COG4: variants seen among roughly 807,000 people sequenced by gnomAD.
COG4 encodes the protein conserved oligomeric Golgi complex subunit 4.
A neutral mutation model predicts 95.1 loss-of-function variants in COG4; 65 were observed. The observed-to-expected ratio is 0.68, with a 90% CI of 0.56 to 0.84. COG4 has a LOEUF of 0.84. COG4 is among the 40% of genes least tolerant of loss of function. The pLI, the probability that COG4 is intolerant of heterozygous loss-of-function variation, is 0.00. For missense variants in COG4, 1,045 were observed against 989.1 expected (o/e 1.06, Z -0.76); for synonymous variants, 421 against 374.8 (o/e 1.12, Z -1.42).
At chr16:70,481,958 AC>A (rs2049005731) in intron 16 of COG4, 93 bp from the exon 17 acceptor site, 7 of 1,369,292 alleles carry the variant, frequency 5.1e-6, no homozygotes, top group Non-Finnish European at 7.3e-6. Context: ...GCGTGAGGCC[AC>A]GGGGGAGTTT....
At chr16:70,486,095 C>T (rs1225537722) in intron 13 of COG4, among the ~76,000 whole-genome samples, 1 of 151,774 alleles carries the variant, frequency 6.6e-6, no homozygotes, top group Non-Finnish European at 1.5e-5. Flanking sequence ...TGGGGTTTCA[C>T]CGTGTTAGCC....
At chr16:70,508,781 C>T (rs761573428) in intron 7 of COG4, 17 of 578,102 alleles carry the variant, frequency 2.9e-5, no homozygotes, top group South Asian at 1.1e-4. Flanking sequence ...ATTTCTATGT[C>T]GTACTTTTAC....
chr16:70,500,504 G>A (rs748276040), intron 9 of COG4, among the ~76,000 whole-genome samples: 11 of 151,022 alleles, frequency 7.3e-5, no homozygotes, highest in African/African-American at 2.0e-4. Flanking sequence ...GGGACTGCAG[G>A]TGTATTGCAC....
rs561198202 is a variant in COG4, at chr16:70,483,886, G to A, written c.1794C>T (p.Ala598=). ...GGTCTCGGAATTTGTTGGACACGGC[G>A]GCCAAGTCAGAAAGGCAGCTGTCAA... ...AKFDSCLSDL[A]AVSNKFRDLL... is the part of the protein sequence containing the mutation. Residue 598 remains alanine (A), a synonymous_variant, in exon 14 of 19, where the codon GCC becomes GCT. Coordinates refer to ENST00000323786, the MANE Select transcript of COG4 (RefSeq NM_015386.3). 6.5e-5 allele frequency: 105 copies of A among 1,613,396 alleles called. 2 individuals carry two copies. In the South Asian group the frequency reaches 8.9e-4, roughly 14 times the overall value.
chr16:70,491,545 TGGGGCAGGGTAGCTCATGC>T (rs2151745629), intron 12 of COG4, among the ~76,000 whole-genome samples: 1 of 92,604 alleles, frequency 1.1e-5, no homozygotes, highest in South Asian at 3.3e-4. Flanking sequence ...AAAAAAAAGC[TGGGGCAGGGTAGCTCATGC>T]CTGTAATCCC....
At position 70,487,815 on chromosome 16, in the gene COG4, A is replaced by C. The variant is rs79135010; in HGVS notation, c.1710+2515T>G. Among the ~76,000 whole-genome samples the C allele has an allele frequency of 2.7e-5, 4 of 150,840 alleles. No homozygotes were observed. In the South Asian group the frequency reaches 8.4e-4, roughly 32 times the overall value. The stretch of plus-strand genomic sequence containing the variant: ...TGTTAATTTTAAATTTATTTTTACT[A>C]TTTTTACTTTTTTTTTTATGTTTTT... On this transcript the variant is annotated intron_variant, in intron 13 of 18. Coordinates refer to ENST00000323786, the MANE Select transcript of COG4 (RefSeq NM_015386.3).
chr16:70,512,544 G>A (rs560339647), intron 4 of COG4, 112 bp from the exon 5 acceptor site: 3 of 867,556 alleles, frequency 3.5e-6, no homozygotes, highest in Non-Finnish European at 3.8e-6. Context: ...CACTTACCAT[G>A]TGCAAGATGC....
rs1567390485 is a variant in COG4 at position 70,509,908 on chromosome 16, A to T, written c.844+8T>A. The T allele has an allele frequency of 6.2e-7, 1 of 1,607,882 alleles. No individual in the cohort carries two copies. Among genetic ancestry groups the T allele is most frequent in the East Asian group, 2.2e-5 (1 of 44,858 alleles). On this transcript the variant is annotated splice_region_variant and intron_variant, in intron 6 of 18. Coordinates refer to ENST00000323786, the MANE Select transcript of COG4 (RefSeq NM_015386.3). ...TCCAGTCTCTCTAGAGCGGAGAAAG[A>T]GGCTCACCTTCAAACAGAAGAGTAA...
Position 70,509,955 on chromosome 16 carries a change from C to A in COG4, c.805G>T (p.Ala269Ser), listed in dbSNP as rs2049664124. The stretch of plus-strand genomic sequence containing the variant: ...GTAAGTGTATCTGCAAAGATGACTG[C>A]AGCTCTCCGATCACTCATGTCTGTC... ...LGTDMSDRRA[A>S]VIFADTLTLL... The change falls in exon 6 of 19, where the codon GCA (alanine) becomes TCA (serine). Residue 269 changes from alanine to serine, a missense_variant. Coordinates refer to ENST00000323786, the MANE Select transcript of COG4 (RefSeq NM_015386.3). The A allele has an allele frequency of 6.8e-6, 11 of 1,613,958 alleles. No individual in the cohort carries two copies. Among genetic ancestry groups the A allele is most frequent in the Non-Finnish European group, 9.3e-6 (11 of 1,179,908 alleles).
intron 8 of COG4, among the ~76,000 whole-genome samples, chr16:70,503,823 T>C: frequency 6.8e-6 from 1 of 146,606 alleles, no homozygotes; most frequent in East Asian, 1.9e-4. Flanking sequence ...CTCGATCTCC[T>C]GACCTCGTGA....
intron 13 of COG4, among the ~76,000 whole-genome samples, chr16:70,486,538 A>G (rs2049139550): frequency 6.6e-6 from 1 of 152,196 alleles, no homozygotes; most frequent in Non-Finnish European, 1.5e-5. Context: ...ATGCAAATCT[A>G]AGGGCAGCTG....
intron 13 of COG4, among the ~76,000 whole-genome samples, chr16:70,485,576 C>A (rs1276209904): frequency 4.1e-5 from 6 of 147,648 alleles, no homozygotes; most frequent in Admixed American, 4.0e-4. Context: ...TCCAAAAATC[C>A]TGTTTTTTTT....
chr16:70,516,976 G>C (rs922670203), intron 3 of COG4, among the ~76,000 whole-genome samples: 2 of 151,912 alleles, frequency 1.3e-5, no homozygotes, highest in African/African-American at 4.8e-5. Context: ...TGTTGCCTAG[G>C]CTGGTCTCAA....
In COG4 at chr16:70,480,804, G is replaced by A. The variant is rs933723306; in HGVS notation, c.*206C>T. 8.4e-6 allele frequency: 5 copies of A among 597,230 alleles called. No homozygotes were observed. Among genetic ancestry groups the A allele is most frequent in the Admixed American group, 3.0e-5 (1 of 32,876 alleles). 37.0% of individuals were successfully genotyped at this position (597,230 alleles called of 1,614,324 possible). On this transcript the variant is annotated 3_prime_UTR_variant, in exon 19 of 19. Coordinates refer to ENST00000323786, the MANE Select transcript of COG4 (RefSeq NM_015386.3). ...TTAGGAGCCCGCTTCTCTCGGTGGG[G>A]AGATGCTGCCCCCAGAGCATCACCT...
Position 70,514,493 on chromosome 16 carries a change from G to A in COG4, c.386C>T (p.Ala129Val). Residue 129 changes from alanine (A) to valine (V), a missense_variant, in exon 4 of 19, where the codon GCC becomes GTC. Physicochemically the swap from Ala to Val is moderately conservative, Grantham distance 64. Transcript: ENST00000323786. Reference sequence around the variant, plus strand: ...CAAGATGTCATCAGCTCTCTGAATGGCCTGATAGAGGCGGTTCTGCAAAAA... The same window carrying A: ...CAAGATGTCATCAGCTCTCTGAATGACCTGATAGAGGCGGTTCTGCAAAAA... ...LDLAKNRLYQ[A>V]IQRADDILDL... is the part of the protein sequence containing the mutation. 6.2e-7 allele frequency: 1 copy of A among 1,614,054 alleles called. No individual in the cohort carries two copies. The highest frequency in any genetic ancestry group is 8.5e-7 in the Non-Finnish European group (1 of 1,180,004).
intron 3 of COG4, chr16:70,515,833 T>C (rs556874893): frequency 3.0e-6 from 1 of 331,130 alleles, no homozygotes; most frequent in Admixed American, 4.3e-5. Flanking sequence ...CTGAGGGTTG[T>C]TTTTTTAAAA....
intron 12 of COG4, among the ~76,000 whole-genome samples, chr16:70,495,266 G>A (rs541151210): frequency 1.5e-4 from 22 of 151,138 alleles, no homozygotes; most frequent in South Asian, 1.0e-3. Flanking sequence ...GTATGGTGGC[G>A]CATGCCTGTA....
chr16:70,491,824 CAAAAAAAA>C (rs772831502), intron 12 of COG4, among the ~76,000 whole-genome samples: 3 of 59,346 alleles, frequency 5.1e-5, no homozygotes, highest in African/African-American at 1.3e-4. Context: ...AACTACGTCT[CAAAAAAAA>C]AAAAAAAAAA....
chr16:70,502,026 G>A (rs2049461892), intron 8 of COG4, among the ~76,000 whole-genome samples: 1 of 151,670 alleles, frequency 6.6e-6, no homozygotes, highest in Admixed American at 6.6e-5. Context: ...GCTCACGCCT[G>A]TAATCCCAAC....
Sources: allele counts gnomAD v4.1 joint callset (sites outside exome capture counted in the v4.1 genomes callset), GRCh38; gene constraint gnomAD v4.1.1; transcripts MANE v1.5; gene names NCBI Gene and HGNC (gene_info 2026-07-23, HGNC 2026-07-21).